AUTS2: variants seen among roughly 807,000 people sequenced by gnomAD.
AUTS2 encodes the protein activator of transcription and developmental regulator AUTS2.
Under a neutral mutation model 112.4 loss-of-function variants are expected in AUTS2, and 17 were observed. That is an observed-to-expected ratio of 0.15 (90% CI 0.10 to 0.23). The LOEUF (loss-of-function observed/expected upper bound fraction) is 0.23. AUTS2 is among the 10% of genes least tolerant of loss of function. The pLI is 1.00. For missense variants in AUTS2, 1,510 were observed against 1,701.6 expected (o/e 0.89, Z 1.98); for synonymous variants, 751 against 702.7 (o/e 1.07, Z -1.09).
intron 6 of AUTS2, among the ~76,000 whole-genome samples, chr7:70,699,923 G>T (rs545047463): frequency 3.9e-4 from 60 of 152,290 alleles, no homozygotes; most frequent in Middle Eastern, 3.4e-3. Flanking sequence ...GTCACCAAAG[G>T]CAGGGCTTCT....
At chr7:70,679,161 C>G (rs1283972907) in intron 5 of AUTS2, among the ~76,000 whole-genome samples, 2 of 152,194 alleles carry the variant, frequency 1.3e-5, no homozygotes, top group African/African-American at 4.8e-5. Flanking sequence ...TTCTCACCAT[C>G]TATCATTATT....
chr7:69,802,611 G>A (rs946892455), intron 1 of AUTS2, among the ~76,000 whole-genome samples: 4 of 152,206 alleles, frequency 2.6e-5, no homozygotes, highest in Admixed American at 6.5e-5. Context: ...GGAACTTTAG[G>A]TTCTTTCTGA....
chr7:70,152,283 A>G (rs2129576376), intron 4 of AUTS2, among the ~76,000 whole-genome samples: 1 of 152,294 alleles, frequency 6.6e-6, no homozygotes, highest in South Asian at 2.1e-4. Context: ...TGATGAAAAT[A>G]GTGCAGAACA....
At chr7:69,658,706 A>G (rs1379204520) in intron 1 of AUTS2, among the ~76,000 whole-genome samples, 2 of 152,222 alleles carry the variant, frequency 1.3e-5, no homozygotes, top group African/African-American at 2.4e-5. Context: ...GGAGATATTC[A>G]TGAGCAAACT....
intron 5 of AUTS2, among the ~76,000 whole-genome samples, chr7:70,688,253 G>A (rs961451910): frequency 2.6e-5 from 4 of 152,130 alleles, no homozygotes; most frequent in Admixed American, 2.6e-4. Context: ...GTTGAGCAAG[G>A]CCTCCTAACT....
intron 4 of AUTS2, among the ~76,000 whole-genome samples, chr7:70,347,621 T>G (rs1791553284): frequency 6.6e-6 from 1 of 152,196 alleles, no homozygotes; most frequent in South Asian, 2.1e-4. Flanking sequence ...TTAGATGCCC[T>G]GCAACAGAGA....
At chr7:69,648,427 A>G (rs1795136354) in intron 1 of AUTS2, among the ~76,000 whole-genome samples, 1 of 151,864 alleles carries the variant, frequency 6.6e-6, no homozygotes, top group Admixed American at 6.5e-5. Flanking sequence ...GTTTGGAGCA[A>G]CAATGTGTAT....
intron 5 of AUTS2, among the ~76,000 whole-genome samples, chr7:70,696,075 C>T (rs1383066249): frequency 6.6e-6 from 1 of 152,122 alleles, no homozygotes; most frequent in South Asian, 2.1e-4. Flanking sequence ...GAAATGCAGA[C>T]TATTTTCTGA....
chr7:70,762,757 G>A, intron 6 of AUTS2, 113 bp from the exon 7 acceptor site: 2 of 802,080 alleles, frequency 2.5e-6, no homozygotes, highest in Non-Finnish European at 2.1e-6. Context: ...CAGGAGGGTT[G>A]GTGCCAGGTC....
chr7:70,113,008 T>C (rs1651414472), intron 2 of AUTS2, among the ~76,000 whole-genome samples: 1 of 152,128 alleles, frequency 6.6e-6, no homozygotes, highest in Non-Finnish European at 1.5e-5. Flanking sequence ...ATTTTACTAA[T>C]GGTTAGCTTC....
chr7:70,491,562 AT>A (rs1369052401), intron 5 of AUTS2, among the ~76,000 whole-genome samples: 4 of 145,464 alleles, frequency 2.7e-5, no homozygotes, highest in African/African-American at 1.0e-4. Context: ...TATATAATAT[AT>A]TATGTGTATA....
At chr7:70,425,801 T>G (rs1344710959) in intron 4 of AUTS2, among the ~76,000 whole-genome samples, 4 of 152,216 alleles carry the variant, frequency 2.6e-5, no homozygotes, top group Non-Finnish European at 5.9e-5. Flanking sequence ...ACCTGGCTCA[T>G]GTATGCTTTT....
chr7:70,465,395 A>G (rs1047679975), intron 5 of AUTS2, among the ~76,000 whole-genome samples: 1 of 152,212 alleles, frequency 6.6e-6, no homozygotes, highest in East Asian at 1.9e-4. Flanking sequence ...AGTTTAGGAT[A>G]GGCTACAGGG....
At chr7:70,608,143 G>T (rs1350430885) in intron 5 of AUTS2, among the ~76,000 whole-genome samples, 1 of 152,086 alleles carries the variant, frequency 6.6e-6, no homozygotes, top group East Asian at 1.9e-4. Context: ...TCATTCTGTT[G>T]CCCAGGATGG....
intron 1 of AUTS2, among the ~76,000 whole-genome samples, chr7:69,682,434 T>C (rs914694199): frequency 6.6e-6 from 1 of 152,184 alleles, no homozygotes; most frequent in African/African-American, 2.4e-5. Context: ...CTTTGCCCAT[T>C]TATAAACAGC....
chr7:70,750,747 C>G (rs11983416), intron 6 of AUTS2, among the ~76,000 whole-genome samples: 1 of 152,206 alleles, frequency 6.6e-6, no homozygotes, highest in Non-Finnish European at 1.5e-5. Context: ...CATACCCAGC[C>G]TCTTTTCTAA....
chr7:70,228,980 A>G (rs1811911409), intron 4 of AUTS2, among the ~76,000 whole-genome samples: 1 of 151,920 alleles, frequency 6.6e-6, no homozygotes, highest in Non-Finnish European at 1.5e-5. Flanking sequence ...TCTTTGGCAC[A>G]CATAACTATA....
chr7:69,715,991 A>G (rs1003883890), intron 1 of AUTS2, among the ~76,000 whole-genome samples: 1 of 152,180 alleles, frequency 6.6e-6, no homozygotes, highest in Non-Finnish European at 1.5e-5. Flanking sequence ...AGTCTTAACC[A>G]CTACACTGTC....
At chr7:70,214,857 A>T (rs551757341) in intron 4 of AUTS2, among the ~76,000 whole-genome samples, 1 of 152,232 alleles carries the variant, frequency 6.6e-6, no homozygotes, top group Non-Finnish European at 1.5e-5. Context: ...CTAGTGTAGC[A>T]TTCAAATTAC....
Sources: allele counts gnomAD v4.1 joint callset (sites outside exome capture counted in the v4.1 genomes callset), GRCh38; gene constraint gnomAD v4.1.1; transcripts MANE v1.5; gene names NCBI Gene and HGNC (gene_info 2026-07-23, HGNC 2026-07-21).